The following ACTMAP variants were observed in gnomAD, a reference collection of about 807,000 sequenced individuals.
The protein encoded by ACTMAP is actin maturation protease, also known as UPF0692 protein C19orf54.
the ACTMAP span, chr19:40,742,321 T>C: frequency 9.0e-7 from 1 of 1,106,198 alleles, no homozygotes; most frequent in Non-Finnish European, 1.3e-6. Context: ...GAAGGAGGAC[T>C]GGAGACCCCT....
At chr19:40,749,362 G>A in the ACTMAP span, 1 of 1,025,684 alleles carries the variant, frequency 9.7e-7, no homozygotes, top group Non-Finnish European at 1.4e-6. Context: ...ATCTAGGTGG[G>A]GGACCTAAGT....
At chr19:40,740,877 A>AT in the ACTMAP span, 1 of 398,084 alleles carries the variant, frequency 2.5e-6, no homozygotes, top group Non-Finnish European at 4.4e-6. Flanking sequence ...AGAGCTTTTT[A>AT]TTTTGCATCT....
chr19:40,750,389 G>A, the ACTMAP span: 1 of 152,238 alleles, frequency 6.6e-6, no homozygotes, highest in Non-Finnish European at 1.5e-5. Flanking sequence ...TCTGTGGGTT[G>A]GAGAAGACTC....
At chr19:40,743,915 C>T in the ACTMAP span, 74 of 1,613,982 alleles carry the variant, frequency 4.6e-5, no homozygotes, top group African/African-American at 1.7e-4. Flanking sequence ...CTGCACTCAC[C>T]GCCCAGTGTG....
At chr19:40,747,398 C>T in the ACTMAP span, among the ~76,000 whole-genome samples, 5 of 151,936 alleles carry the variant, frequency 3.3e-5, no homozygotes, top group East Asian at 2.0e-4. Context: ...ATTAGCCAGG[C>T]GTGGTGGTGG....
chr19:40,741,470 A>C, the ACTMAP span: 1 of 282,486 alleles, frequency 3.5e-6, no homozygotes, highest in Non-Finnish European at 7.2e-6. Flanking sequence ...AGTGCTCTGT[A>C]GTTTCCCTAA....
At chr19:40,749,851 A>C in the ACTMAP span, 1 of 1,301,492 alleles carries the variant, frequency 7.7e-7, no homozygotes, top group Non-Finnish European at 1.0e-6. Context: ...CGGGGAGGGA[A>C]GGATCCTCCA....
the ACTMAP span, among the ~76,000 whole-genome samples, chr19:40,746,115 C>T: frequency 6.6e-6 from 1 of 152,210 alleles, no homozygotes; most frequent in Admixed American, 6.5e-5. Context: ...AACCAGGTAA[C>T]AACATGCTTA....
chr19:40,742,300 G>A, the ACTMAP span: 3 of 888,740 alleles, frequency 3.4e-6, no homozygotes, highest in Non-Finnish European at 3.4e-6. Context: ...ACTGCAGGGG[G>A]TGGCCCTGAT....
At chr19:40,749,428 T>G in the ACTMAP span, 1 of 1,326,542 alleles carries the variant, frequency 7.5e-7, no homozygotes, top group Non-Finnish European at 1.0e-6. Flanking sequence ...CCAAGAGATC[T>G]GTGAAGTGTC....
chr19:40,748,646 C>T, the ACTMAP span, among the ~76,000 whole-genome samples: 11 of 152,318 alleles, frequency 7.2e-5, no homozygotes, highest in Admixed American at 5.2e-4. Context: ...TCCCTTTGCA[C>T]GACCCGCTCT....
the ACTMAP span, chr19:40,741,451 AAAAG>A: frequency 1.5e-4 from 35 of 237,258 alleles, no homozygotes; most frequent in Non-Finnish European, 2.2e-4. Flanking sequence ...TAAAAAAAAA[AAAAG>A]CAACAGTGCT....
the ACTMAP span, among the ~76,000 whole-genome samples, chr19:40,749,265 A>T: frequency 6.6e-6 from 1 of 152,148 alleles, no homozygotes; most frequent in East Asian, 1.9e-4. Context: ...TGCTGGGATT[A>T]CATGCATGAG....
chr19:40,742,555 G>A, the ACTMAP span: 2 of 1,599,054 alleles, frequency 1.3e-6, no homozygotes, highest in South Asian at 2.3e-5. Context: ...AAGTCCGTCA[G>A]CTGCAGGTTG....
chr19:40,745,246 C>T, the ACTMAP span: 19 of 1,540,090 alleles, frequency 1.2e-5, no homozygotes, highest in Non-Finnish European at 1.4e-5. Context: ...TCTGAAGCAC[C>T]CCCTACCCTG....
At chr19:40,742,736 G>A in the ACTMAP span, 200 of 1,611,076 alleles carry the variant, frequency 1.2e-4, no homozygotes, top group South Asian at 2.5e-4. Flanking sequence ...CAGTGTAGCC[G>A]AGACTGGGCA....
At chr19:40,744,537 A>T in the ACTMAP span, 4 of 1,612,328 alleles carry the variant, frequency 2.5e-6, no homozygotes, top group East Asian at 8.9e-5. Flanking sequence ...GAGATGATGG[A>T]GCATGCAGTC....
the ACTMAP span, chr19:40,744,303 T>A: frequency 7.0e-7 from 1 of 1,418,890 alleles, no homozygotes; most frequent in Non-Finnish European, 9.3e-7. Context: ...TTCCACCCCT[T>A]GGTACAAATG....
the ACTMAP span, chr19:40,740,885 T>A: frequency 2.5e-6 from 1 of 398,250 alleles, no homozygotes; most frequent in African/African-American, 2.1e-5. Context: ...TTATTTTGCA[T>A]CTGGAGTGTA....
Sources: allele counts gnomAD v4.1 joint callset (sites outside exome capture counted in the v4.1 genomes callset), GRCh38; gene constraint gnomAD v4.1.1; transcripts MANE v1.5; gene names NCBI Gene and HGNC (gene_info 2026-07-23, HGNC 2026-07-21).